Variants in TBC1D10C observed in about 807,000 individuals in gnomAD.
TBC1D10C encodes TBC1 domain family member 10C.
TBC1D10C carries 49 observed loss-of-function variants against 51.0 expected under a neutral mutation model. The observed-to-expected ratio is 0.96, with a 90% CI of 0.76 to 1.22. The LOEUF (loss-of-function observed/expected upper bound fraction) is 1.22. TBC1D10C is among the 50% of genes most tolerant of loss of function. The pLI is 0.00. For synonymous variants in TBC1D10C, 281 were observed against 266.7 expected, an observed-to-expected ratio of 1.05 and a Z score of -0.52; for missense variants, 541 against 617.5, an observed-to-expected ratio of 0.88 and a Z score of 1.31.
chr11:67,406,470 A>G, intron 5 of TBC1D10C, 157 bp from the exon 6 acceptor site: 1 of 660,664 alleles, frequency 1.5e-6, no homozygotes. Context: ...GCTTTTGGGA[A>G]GGGCTTCCAG....
At position 67,405,411 on chromosome 11, in the gene TBC1D10C, T is replaced by A; in HGVS notation, c.265T>A (p.Cys89Ser). Residue 89 changes from cysteine to serine, a missense_variant, in exon 3 of 9, where the codon TGC (cysteine) becomes AGC (serine). Transcript: ENST00000542590. ...GCCTCACCCACAGGTAAAGATGCAGTGCCGGAAAGGCATCCCGTCTGCCCT... is the reference window on the plus strand; with the variant it reads ...GCCTCACCCACAGGTAAAGATGCAGAGCCGGAAAGGCATCCCGTCTGCCCT... ...SRRYKKVKMQ[C>S]RKGIPSALRA... is the part of the protein sequence containing the mutation. 6.2e-7 allele frequency: 1 copy of A among 1,613,524 alleles called. No homozygotes were observed. Among genetic ancestry groups the A allele is most frequent in the Non-Finnish European group, 8.5e-7 (1 of 1,179,952 alleles).
In TBC1D10C at chr11:67,409,727, C is replaced by T. The variant is rs1863373600; in HGVS notation, c.1314C>T (p.Ser438=). ...GGCCCCCCAGGCCCCAACGAGGCTC[C>T]ACCTCCTTCCTGGACACCCGCTTCT... The part of the protein sequence containing the change: ...IEGPPRPQRG[S]TSFLDTRF Residue 438 remains serine (S), a synonymous_variant, in exon 9 of 9, where the codon TCC becomes TCT. Transcript: ENST00000542590. The T allele has an allele frequency of 1.3e-6, 2 of 1,589,002 alleles. No homozygotes were observed. The highest frequency in any genetic ancestry group is 1.7e-6 in the Non-Finnish European group (2 of 1,176,682).
Position 67,404,093 on chromosome 11 carries a change from G to A in TBC1D10C, c.-110G>A. On this transcript the variant is annotated 5_prime_UTR_variant, in exon 1 of 9. Transcript: ENST00000542590. Reference sequence around the variant, plus strand: ...CATAGGGGGCTTGGTGAGATACCCTGAAACCTCCCCCCTCTGACCCCGCAG... The same window carrying A: ...CATAGGGGGCTTGGTGAGATACCCTAAAACCTCCCCCCTCTGACCCCGCAG... The A allele has an allele frequency of 7.5e-7, 1 of 1,336,502 alleles. No homozygotes were observed. The highest frequency in any genetic ancestry group is 2.7e-4 in the Middle Eastern group (1 of 3,666). The allele number at this position is 1,336,502 out of a possible 1,614,324, so 82.8% of individuals were successfully genotyped here.
In TBC1D10C at chr11:67,405,662, TC is replaced by T; in HGVS notation, c.431del (p.Pro144LeufsTer146). On this transcript the variant is annotated frameshift_variant, in exon 4 of 9. Coordinates refer to ENST00000542590, the MANE Select transcript of TBC1D10C (RefSeq NM_001369496.1). LOFTEE classifies it high-confidence loss of function. ...ETIGRDLHRQ[F>X]PLHEMFVSPQ... ...ATTGGCAGGGACCTGCACCGTCAAT[TC>T]CCTCTGCACGAGATGTTTGTGTCGC... 6.2e-7 allele frequency: 1 copy of T among 1,613,714 alleles called. No individual in the cohort carries two copies. Among genetic ancestry groups the T allele is most frequent in the Non-Finnish European group, 8.5e-7 (1 of 1,179,978 alleles).
intron 1 of TBC1D10C, 22 bp downstream of exon 1, chr11:67,404,376 T>C: frequency 6.5e-7 from 1 of 1,546,258 alleles, no homozygotes; most frequent in Non-Finnish European, 8.8e-7. Context: ...GGGTGAGGGC[T>C]GGCGGAATGC....
rs775223689 is a variant in TBC1D10C, at chr11:67,405,174, G to A, written c.242G>A (p.Arg81Gln). 27 of 1,551,198 alleles carry A rather than the reference G, an allele frequency of 1.7e-5. No individual in the cohort carries two copies. Among genetic ancestry groups the A allele is most frequent in the African/African-American group, 4.1e-5 (3 of 73,056 alleles). The change falls in exon 2 of 9, where the codon CGG (arginine) becomes CAG (glutamine). Residue 81 changes from arginine (R) to glutamine (Q), a missense_variant. Coordinates refer to ENST00000542590, the MANE Select transcript of TBC1D10C (RefSeq NM_001369496.1). ...TSHWEKTMSRRYKKVKMQCRK... is the reference protein window; with the variant it reads ...TSHWEKTMSRQYKKVKMQCRK... Reference sequence around the variant, plus strand: ...CACTGGGAGAAAACCATGTCCCGGCGGTACAAGAAGGTGAGGGGGGCAGGG... The same window carrying A: ...CACTGGGAGAAAACCATGTCCCGGCAGTACAAGAAGGTGAGGGGGGCAGGG...
chr11:67,409,931 T>G lies in TBC1D10C; in HGVS notation c.*177T>G. 1 of 608,598 alleles carries G rather than the reference T, an allele frequency of 1.6e-6. No homozygotes were observed. Among genetic ancestry groups the G allele is most frequent in the Non-Finnish European group, 2.8e-6 (1 of 356,380 alleles). The allele number at this position is 608,598 out of a possible 1,614,324, so 37.7% of individuals were successfully genotyped here. A position where few individuals can be genotyped will look rare whatever the true frequency, so the allele number is the denominator to read the frequency against. ...GTACATACTGGGTCAGGCACTAGCATGGAGGAGGGTCACAGAGTGGGGCAC... is the reference window on the plus strand; with the variant it reads ...GTACATACTGGGTCAGGCACTAGCAGGGAGGAGGGTCACAGAGTGGGGCAC... On this transcript the variant is annotated 3_prime_UTR_variant, in exon 9 of 9. Transcript: ENST00000542590.
In TBC1D10C at chr11:67,405,175, G is replaced by T. The variant is rs1036379715; in HGVS notation, c.243G>T (p.Arg81=). ...ACTGGGAGAAAACCATGTCCCGGCGGTACAAGAAGGTGAGGGGGGCAGGGG... is the reference window on the plus strand; with the variant it reads ...ACTGGGAGAAAACCATGTCCCGGCGTTACAAGAAGGTGAGGGGGGCAGGGG... The part of the protein sequence containing the change: ...TSHWEKTMSR[R]YKKVKMQCRK... Residue 81 remains arginine, a synonymous_variant, in exon 2 of 9, where the codon CGG becomes CGT. Transcript: ENST00000542590. 1 of 1,551,344 alleles carries T rather than the reference G, an allele frequency of 6.4e-7. No individual in the cohort carries two copies.
At chr11:67,407,249 T>C in intron 7 of TBC1D10C, 1 of 552,056 alleles carries the variant, frequency 1.8e-6, no homozygotes, top group South Asian at 2.4e-5. Context: ...AGCAGGGTGA[T>C]CACAGCACAT....
intron 5 of TBC1D10C, 58 bp from the exon 6 acceptor site, chr11:67,406,569 C>A: frequency 1.0e-5 from 15 of 1,470,726 alleles, no homozygotes; most frequent in Non-Finnish European, 1.3e-5. Context: ...CCTGCCTTCT[C>A]CTCCACGGTC....
chr11:67,406,833 G>C lies in TBC1D10C; in HGVS notation c.655G>C (p.Val219Leu). Reference protein sequence around the residue: ...PGYYGPHMEAVRLDAEVFMAL... With the variant: ...PGYYGPHMEALRLDAEVFMAL... ...CTGATGGACGTGGCCACAGGAGGCT[G>C]TGCGGCTGGACGCCGAGGTGTTCAT... is the stretch of plus-strand genomic sequence containing the variant. Residue 219 changes from valine (V) to leucine (L), a missense_variant, in exon 7 of 9, where the codon GTG becomes CTG. Transcript: ENST00000542590. 1 of 1,608,604 alleles carries C rather than the reference G, an allele frequency of 6.2e-7. No homozygotes were observed. The highest frequency in any genetic ancestry group is 8.5e-7 in the Non-Finnish European group (1 of 1,178,164).
At chr11:67,407,785 T>C (rs1180692945) in intron 7 of TBC1D10C, 1 of 152,328 alleles carries the variant, frequency 6.6e-6, no homozygotes, top group Non-Finnish European at 1.5e-5. Context: ...TTCTGTTCTA[T>C]ATGTGAGGTC....
intron 7 of TBC1D10C, chr11:67,407,853 C>T (rs1460664155): frequency 6.6e-6 from 1 of 152,338 alleles, no homozygotes; most frequent in Non-Finnish European, 1.5e-5. Flanking sequence ...ACTGTGCATA[C>T]TGAATGCCTG....
intron 1 of TBC1D10C, 79 bp downstream of exon 1, chr11:67,404,433 G>T: frequency 2.1e-6 from 3 of 1,411,334 alleles, no homozygotes; most frequent in South Asian, 1.4e-5. Flanking sequence ...GAGGGAGGCC[G>T]GGAGGGTCTG....
In TBC1D10C at chr11:67,405,500, C is replaced by T; in HGVS notation, c.354C>T (p.Thr118=). The stretch of plus-strand genomic sequence containing the variant: ...TGTGCCAGAAGAACAGCCCTGGCAC[C>T]TATCAGGTGAGGGAGTGGGCAGGGG... ...AHVCQKNSPG[T]YQELAEAPGD... The change falls in exon 3 of 9, where the codon ACC becomes ACT. Residue 118 remains threonine, a synonymous_variant. Coordinates refer to ENST00000542590, the MANE Select transcript of TBC1D10C (RefSeq NM_001369496.1). The T allele has an allele frequency of 6.2e-7, 1 of 1,612,928 alleles. No individual in the cohort carries two copies. The highest frequency in any genetic ancestry group is 8.5e-7 in the Non-Finnish European group (1 of 1,179,748).
At position 67,408,966 on chromosome 11, in the gene TBC1D10C, C is replaced by G. The variant is rs1863315391; in HGVS notation, c.839-13C>G. Reference sequence around the variant, plus strand: ...AGGGCCGGCCTCCCAGTGAATAAGCCCCCGGCCTGCAGGTGCCAGAGTACT... The same window carrying G: ...AGGGCCGGCCTCCCAGTGAATAAGCGCCCGGCCTGCAGGTGCCAGAGTACT... On this transcript the variant is annotated splice_polypyrimidine_tract_variant and intron_variant, in intron 7 of 8. Transcript: ENST00000542590. The G allele has an allele frequency of 6.5e-7, 1 of 1,537,394 alleles. No individual in the cohort carries two copies. Among genetic ancestry groups the G allele is most frequent in the African/African-American group, 1.4e-5 (1 of 72,076 alleles).
In TBC1D10C at chr11:67,409,567, G is replaced by C; in HGVS notation, c.1154G>C (p.Arg385Pro). The C allele has an allele frequency of 1.3e-6, 2 of 1,548,778 alleles. No homozygotes were observed. The highest frequency in any genetic ancestry group is 2.7e-5 in the African/African-American group (2 of 73,178). The change falls in exon 9 of 9, where the codon CGA becomes CCA. Residue 385 changes from arginine to proline, a missense_variant. Arg to Pro is a moderately radical substitution (Grantham distance 103). Coordinates refer to ENST00000542590, the MANE Select transcript of TBC1D10C (RefSeq NM_001369496.1). Reference sequence around the variant, plus strand: ...GCCCAGCAGCTGGCAGGAGTGCGACGAGGCGCCAAGCCTGAGGTGCCTCGG... The same window carrying C: ...GCCCAGCAGCTGGCAGGAGTGCGACCAGGCGCCAAGCCTGAGGTGCCTCGG... ...FEAQQLAGVRRGAKPEVPRIV... is the reference protein window; with the variant it reads ...FEAQQLAGVRPGAKPEVPRIV...
intron 5 of TBC1D10C, 108 bp downstream of exon 5, chr11:67,406,125 T>C: frequency 1.1e-6 from 1 of 944,858 alleles, no homozygotes; most frequent in Non-Finnish European, 1.5e-6. Context: ...TCCTGGACCC[T>C]GTCCTAGTGA....
chr11:67,405,384 T>G lies in TBC1D10C; in HGVS notation c.253-15T>G. ...TATGGAGGCTGCCTAGTGGAGCCCT[T>G]GGCCTCACCCACAGGTAAAGATGCA... On this transcript the variant is annotated splice_polypyrimidine_tract_variant and intron_variant, in intron 2 of 8. Transcript: ENST00000542590. 6.2e-7 allele frequency: 1 copy of G among 1,611,998 alleles called. No individual in the cohort carries two copies.
Sources: gnomAD v4.1 joint callset for allele counts on GRCh38, gnomAD v4.1.1 for gene constraint, MANE v1.5 for transcripts, NCBI Gene and HGNC (gene_info 2026-07-23, HGNC 2026-07-21) for gene names.